CCDC7: variants seen among roughly 807,000 people sequenced by gnomAD.
CCDC7 encodes the protein coiled-coil domain-containing protein 7.
In CCDC7, 183 loss-of-function variants were observed where a neutral mutation model predicts 196.9. That is an observed-to-expected ratio of 0.93 (90% CI 0.82 to 1.05). The LOEUF (loss-of-function observed/expected upper bound fraction) is 1.05, where lower values mean the gene tolerates loss of function less well. CCDC7 is among the 50% of genes least tolerant of loss of function. CCDC7 has a pLI of 0.00. For missense variants in CCDC7, 1,540 were observed against 1,482.2 expected, an observed-to-expected ratio of 1.04 and a Z score of -0.64; for synonymous variants, 525 against 484.6, an observed-to-expected ratio of 1.08 and a Z score of -1.10.
At chr10:32,852,299 A>G (rs1034386650) in intron 40 of CCDC7, among the ~76,000 whole-genome samples, 2 of 152,174 alleles carry the variant, frequency 1.3e-5, no homozygotes, top group Admixed American at 1.3e-4. Flanking sequence ...GAAAGACAAC[A>G]TAAGGATAGG....
chr10:32,753,894 TG>T (rs1404607265), intron 28 of CCDC7, among the ~76,000 whole-genome samples: 1 of 152,196 alleles, frequency 6.6e-6, no homozygotes, highest in Non-Finnish European at 1.5e-5. Context: ...TTTCGTTTTT[TG>T]TGAGTAGATA....
chr10:32,560,814 C>G (rs1236344541), intron 13 of CCDC7, among the ~76,000 whole-genome samples: 1 of 152,274 alleles, frequency 6.6e-6, no homozygotes, highest in African/African-American at 2.4e-5. Context: ...CAAATTCACA[C>G]ATAACAATAT....
exon 32 of CCDC7, chr10:32,824,557 C>A (rs752889474): frequency 6.2e-7 from 1 of 1,611,976 alleles, no homozygotes; most frequent in East Asian, 2.2e-5. Flanking sequence ...GAGAGAGGTA[C>A]AATAAATGAT....
intron 18 of CCDC7, among the ~76,000 whole-genome samples, chr10:32,623,425 AT>A (rs147050499): frequency 6.6e-6 from 1 of 152,030 alleles, no homozygotes; most frequent in African/African-American, 2.4e-5. Context: ...TATAAATGCC[AT>A]TTTTTAATAT....
chr10:32,871,152 T>C (rs1037312528), intron 41 of CCDC7, among the ~76,000 whole-genome samples: 2 of 152,206 alleles, frequency 1.3e-5, no homozygotes, highest in East Asian at 1.9e-4. Context: ...TTTCTATTGA[T>C]TGGAGTAGTT....
At chr10:32,777,313 G>T (rs1229509775) in intron 28 of CCDC7, among the ~76,000 whole-genome samples, 1 of 152,118 alleles carries the variant, frequency 6.6e-6, no homozygotes, top group Non-Finnish European at 1.5e-5. Context: ...CTGTGTCTTT[G>T]CTATTATGAA....
At chr10:32,808,166 C>A (rs942291164) in intron 30 of CCDC7, among the ~76,000 whole-genome samples, 10 of 152,200 alleles carry the variant, frequency 6.6e-5, no homozygotes, top group Admixed American at 2.0e-4. Flanking sequence ...CCCCACCCTG[C>A]CTGCCAAAGC....
chr10:32,605,530 A>G (rs1162234071), intron 18 of CCDC7, among the ~76,000 whole-genome samples: 1 of 152,254 alleles, frequency 6.6e-6, no homozygotes, highest in Non-Finnish European at 1.5e-5. Flanking sequence ...TGATATGGAC[A>G]GTGAAGTCCA....
intron 18 of CCDC7, among the ~76,000 whole-genome samples, chr10:32,625,975 A>G (rs761442850): frequency 3.9e-5 from 6 of 152,116 alleles, no homozygotes; most frequent in Non-Finnish European, 5.9e-5. Flanking sequence ...ATCCATTGAT[A>G]AACAGGTTGA....
Position 32,830,121 on chromosome 10 carries a change from G to GATATATATATACATATATATATATATAT in CCDC7, c.3269-4683_3269-4682insCATATATATATATATATATATATATATA, listed in dbSNP as rs373724864. 6.0e-3 allele frequency among the ~76,000 whole-genome samples: 306 copies of GATATATATATACATATATATATATATAT among 50,638 alleles called. 22 individuals are homozygous for GATATATATATACATATATATATATATAT. Among genetic ancestry groups the GATATATATATACATATATATATATATAT allele is most frequent in the African/African-American group, 0.012 (264 of 22,130 alleles). The allele number at this position is 50,638 out of a possible 152,430, so 33.2% of individuals were successfully genotyped here. The stretch of plus-strand genomic sequence containing the variant: ...TCCTATTAGTTCTTATATATATAAG[G>GATATATATATACATATATATATATATAT]ATATATATATATATATATATCCTAT... On this transcript the variant is annotated intron_variant, in intron 32 of 41. Transcript: ENST00000639629.
chr10:32,618,606 T>C (rs542825815), intron 18 of CCDC7, among the ~76,000 whole-genome samples: 1 of 152,066 alleles, frequency 6.6e-6, no homozygotes, highest in Non-Finnish European at 1.5e-5. Flanking sequence ...TCTTTTTTTT[T>C]CTCTCAGCAC....
At chr10:32,774,986 T>G (rs904207639) in intron 28 of CCDC7, among the ~76,000 whole-genome samples, 1 of 152,154 alleles carries the variant, frequency 6.6e-6, no homozygotes, top group Non-Finnish European at 1.5e-5. Flanking sequence ...CTGTTGCAGT[T>G]TTGCGCTATC....
intron 20 of CCDC7, among the ~76,000 whole-genome samples, chr10:32,637,822 G>A (rs947806515): frequency 9.2e-5 from 14 of 152,152 alleles, no homozygotes; most frequent in African/African-American, 3.4e-4. Context: ...ACCTTGGGCA[G>A]TATGGTCATT....
At position 32,476,699 on chromosome 10, in the gene CCDC7, G is replaced by T. The variant is rs190697996; in HGVS notation, c.796+2676G>T. ...CCTGCAATTGAGGAGAATTCTTGTT[G>T]CTCCATATCTTTGTCAGCATTTAGA... On this transcript the variant is annotated intron_variant, in intron 8 of 41. Transcript: ENST00000639629. Among the ~76,000 whole-genome samples the T allele has an allele frequency of 2.0e-5, 3 of 152,294 alleles. No homozygotes were observed. In the East Asian group the frequency reaches 5.8e-4, roughly 29 times the overall value.
chr10:32,832,125 A>G (rs1237730161), intron 32 of CCDC7, among the ~76,000 whole-genome samples: 2 of 152,138 alleles, frequency 1.3e-5, no homozygotes, highest in Non-Finnish European at 2.9e-5. Flanking sequence ...TGTAGTCTAA[A>G]CATCATGTTT....
At chr10:32,612,408 A>AT (rs2062258526) in intron 18 of CCDC7, among the ~76,000 whole-genome samples, 1 of 151,982 alleles carries the variant, frequency 6.6e-6, no homozygotes, top group Non-Finnish European at 1.5e-5. Flanking sequence ...AATACCCTTA[A>AT]TTTTTTTCTC....
chr10:32,542,134 T>A (rs574275107), intron 11 of CCDC7, among the ~76,000 whole-genome samples: 6 of 152,350 alleles, frequency 3.9e-5, no homozygotes, highest in African/African-American at 1.4e-4. Flanking sequence ...CTAAAATTTT[T>A]AATAATCTAA....
intron 9 of CCDC7, among the ~76,000 whole-genome samples, chr10:32,508,629 ATT>A (rs937657234): frequency 6.7e-6 from 1 of 148,380 alleles, no homozygotes; most frequent in African/African-American, 2.5e-5. Flanking sequence ...TTACTTTCTT[ATT>A]TTTTTTTTTG....
chr10:32,668,878 G>A (rs1188619606), intron 21 of CCDC7, among the ~76,000 whole-genome samples: 2 of 152,048 alleles, frequency 1.3e-5, no homozygotes, highest in Admixed American at 1.3e-4. Context: ...CAATTTGAAT[G>A]CCTTCTGTTT....
Sources: gnomAD v4.1 joint callset for allele counts (sites outside exome capture counted in the v4.1 genomes callset) on GRCh38, gnomAD v4.1.1 for gene constraint, MANE v1.5 for transcripts, NCBI Gene and HGNC (gene_info 2026-07-23, HGNC 2026-07-21) for gene names.